Variants in DAB1 observed in about 807,000 individuals in gnomAD.
DAB1 encodes the protein disabled homolog 1.
A neutral mutation model predicts 64.6 loss-of-function variants in DAB1; 15 were observed. That is an observed-to-expected ratio of 0.23 (90% CI 0.16 to 0.36). The LOEUF (loss-of-function observed/expected upper bound fraction) is 0.36. Among genes scored for constraint, DAB1 ranks in the 10% least tolerant of loss-of-function variants. DAB1 has a pLI of 1.00. For synonymous variants in DAB1, 235 were observed against 251.9 expected (o/e 0.93, Z 0.64); for missense variants, 596 against 706.7 (o/e 0.84, Z 1.78).
At chr1:58,311,238 A>G (rs1437123665) in intron 4 of DAB1, among the ~76,000 whole-genome samples, 1 of 152,160 alleles carries the variant, frequency 6.6e-6, no homozygotes, top group Non-Finnish European at 1.5e-5. Flanking sequence ...TGCATGGGCT[A>G]TAAATCTTCA....
At chr1:58,140,473 A>C (rs765591060) in intron 5 of DAB1, among the ~76,000 whole-genome samples, 1 of 152,200 alleles carries the variant, frequency 6.6e-6, no homozygotes, top group African/African-American at 2.4e-5. Context: ...TAAAGGCATC[A>C]TAGACCAAGT....
chr1:58,435,161 G>A (rs1375434908), intron 3 of DAB1, among the ~76,000 whole-genome samples: 1 of 152,140 alleles, frequency 6.6e-6, no homozygotes, highest in Non-Finnish European at 1.5e-5. Flanking sequence ...AGAGCAGTCA[G>A]GGTATTTTTT....
chr1:57,727,726 C>CTCCTTCTTTCCTTCCTTCCTTCCT (rs1647240391), intron 6 of DAB1, among the ~76,000 whole-genome samples: 1 of 137,022 alleles, frequency 7.3e-6, no homozygotes, highest in Non-Finnish European at 1.6e-5. Context: ...CCTTCCTTCT[C>CTCCTTCTTTCCTTCCTTCCTTCCT]TCCTTCCTTC....
At chr1:57,424,738 C>T (rs1685204368), upstream of DAB1, among the ~76,000 whole-genome samples, 1 of 152,200 alleles carries the variant, frequency 6.6e-6, no homozygotes, top group Non-Finnish European at 1.5e-5. Context: ...GCAGGTTCGG[C>T]GGCTCCTGTT....
intron 4 of DAB1, among the ~76,000 whole-genome samples, chr1:58,214,675 T>C (rs1658746047): frequency 6.6e-6 from 1 of 152,234 alleles, no homozygotes; most frequent in African/African-American, 2.4e-5. Flanking sequence ...TCCTCTCAAT[T>C]CTTGTTTACA....
intron 1 of DAB1, among the ~76,000 whole-genome samples, chr1:57,340,241 T>A (rs1385194101): frequency 6.6e-6 from 1 of 152,148 alleles, no homozygotes; most frequent in African/African-American, 2.4e-5. Flanking sequence ...AAAATGCAGA[T>A]CACTGAACTC....
intron 7 of DAB1, among the ~76,000 whole-genome samples, chr1:57,448,566 GATTT>G (rs1310411066): frequency 6.6e-6 from 1 of 152,062 alleles, no homozygotes; most frequent in African/African-American, 2.4e-5. Context: ...ACCTTTGATG[GATTT>G]ATTAATTCAA....
At chr1:57,563,990 C>G (rs977396064) in intron 7 of DAB1, among the ~76,000 whole-genome samples, 5 of 152,166 alleles carry the variant, frequency 3.3e-5, no homozygotes, top group Non-Finnish European at 7.4e-5. Context: ...AGACTGCCTC[C>G]TCAAGTGGGT....
chr1:57,923,532 T>C (rs529175874), intron 5 of DAB1, among the ~76,000 whole-genome samples: 1 of 152,250 alleles, frequency 6.6e-6, no homozygotes, highest in African/African-American at 2.4e-5. Context: ...TAAAAATTGC[T>C]CCCCCTTACT....
At chr1:58,196,028 C>T (rs1657657811) in intron 4 of DAB1, among the ~76,000 whole-genome samples, 1 of 152,110 alleles carries the variant, frequency 6.6e-6, no homozygotes, top group Admixed American at 6.5e-5. Context: ...ATGCTCTTCA[C>T]AGAGGTCTGG....
chr1:57,850,708 A>G (rs558265388), intron 1 of DAB1, among the ~76,000 whole-genome samples: 2 of 152,276 alleles, frequency 1.3e-5, no homozygotes, highest in South Asian at 4.2e-4. Context: ...TCAATGTGAT[A>G]CACTCTGACA....
intron 2 of DAB1, among the ~76,000 whole-genome samples, chr1:57,186,810 C>T (rs866068323): frequency 6.6e-6 from 1 of 152,140 alleles, no homozygotes; most frequent in Non-Finnish European, 1.5e-5. Flanking sequence ...TGTTAGGATG[C>T]TTTGCTGGGA....
At chr1:57,252,329 G>T (rs531919776) in intron 2 of DAB1, among the ~76,000 whole-genome samples, 4 of 152,152 alleles carry the variant, frequency 2.6e-5, no homozygotes, top group Non-Finnish European at 5.9e-5. Context: ...TTAGCAACTC[G>T]TAGCTTACCC....
chr1:57,568,076 A>G (rs1453836727), intron 7 of DAB1, among the ~76,000 whole-genome samples: 1 of 152,184 alleles, frequency 6.6e-6, no homozygotes, highest in Non-Finnish European at 1.5e-5. Flanking sequence ...ACCAAAACAG[A>G]GATATAGACC....
At chr1:58,423,640 G>A (rs897862190) in intron 3 of DAB1, among the ~76,000 whole-genome samples, 2 of 152,200 alleles carry the variant, frequency 1.3e-5, no homozygotes, top group African/African-American at 4.8e-5. Flanking sequence ...AAAGAAGTGG[G>A]TGTTTCTGCC....
intron 7 of DAB1, among the ~76,000 whole-genome samples, chr1:57,441,003 T>C (rs1455169113): frequency 6.6e-6 from 1 of 152,132 alleles, no homozygotes; most frequent in African/African-American, 2.4e-5. Flanking sequence ...AAGTGGCTTA[T>C]TAACCCACAC....
chr1:57,461,943 CTTTTTTTTTTT>C (rs545743407), intron 7 of DAB1, among the ~76,000 whole-genome samples: 3,392 of 100,332 alleles, frequency 0.034, 200 homozygotes, highest in African/African-American at 0.11. Flanking sequence ...AAGATATACT[CTTTTTTTTTTT>C]TTTTTTTTTT....
At chr1:57,468,795 G>A (rs2101200088) in intron 7 of DAB1, among the ~76,000 whole-genome samples, 1 of 152,300 alleles carries the variant, frequency 6.6e-6, no homozygotes. Context: ...ATAGAGCTCT[G>A]AGAAAACCTC....
chr1:57,788,970 C>T (rs1650463430), intron 6 of DAB1, among the ~76,000 whole-genome samples: 1 of 152,060 alleles, frequency 6.6e-6, no homozygotes, highest in Admixed American at 6.6e-5. Context: ...CTCCATGACC[C>T]CACTTCTCAA....
Sources: allele counts gnomAD v4.1 joint callset (sites outside exome capture counted in the v4.1 genomes callset), GRCh38; gene constraint gnomAD v4.1.1; transcripts MANE v1.5; gene names NCBI Gene and HGNC (gene_info 2026-07-23, HGNC 2026-07-21).